PLCB1: variants seen among roughly 807,000 people sequenced by gnomAD.
The protein encoded by PLCB1 is phospholipase C beta 1, also known as 1-phosphatidylinositol 4,5-bisphosphate phosphodiesterase beta-1.
Under a neutral mutation model 161.8 loss-of-function variants are expected in PLCB1, and 46 were observed. The ratio of observed to expected loss-of-function variants is 0.28; its 90% confidence interval spans 0.22 to 0.36. PLCB1 has a LOEUF of 0.36. PLCB1 is among the 10% of genes least tolerant of loss of function. The pLI is 1.00. For synonymous variants in PLCB1, 517 were observed against 503.7 expected (o/e 1.03, Z -0.35); for missense variants, 1,016 against 1,472.5 (o/e 0.69, Z 5.07).
intron 3 of PLCB1, among the ~76,000 whole-genome samples, chr20:8,574,838 C>T (rs939611776): frequency 2.7e-5 from 4 of 146,252 alleles, no homozygotes; most frequent in East Asian, 1.9e-4. Flanking sequence ...AGGCCTTAAG[C>T]AGGCTCTGGC....
At chr20:8,739,719 G>C (rs1439350329) in intron 21 of PLCB1, among the ~76,000 whole-genome samples, 1 of 152,172 alleles carries the variant, frequency 6.6e-6, no homozygotes. Flanking sequence ...GCTCACTCTG[G>C]GGTCCAGGCT....
intron 2 of PLCB1, among the ~76,000 whole-genome samples, chr20:8,294,414 A>T (rs1983530039): frequency 6.6e-6 from 1 of 152,046 alleles, no homozygotes; most frequent in South Asian, 2.1e-4. Flanking sequence ...AAAGTGGGTC[A>T]TTAGGGATAT....
At chr20:8,285,515 A>T (rs1324564623) in intron 2 of PLCB1, among the ~76,000 whole-genome samples, 1 of 152,056 alleles carries the variant, frequency 6.6e-6, no homozygotes, top group East Asian at 1.9e-4. Context: ...GGAAGACTGG[A>T]TATTACAGTC....
chr20:8,701,171 G>A (rs368623767), intron 11 of PLCB1, among the ~76,000 whole-genome samples: 3 of 152,148 alleles, frequency 2.0e-5, no homozygotes, highest in East Asian at 3.9e-4. Flanking sequence ...AGCGTGTAAA[G>A]TGACTTTGTA....
At chr20:8,812,328 G>C (rs981119080) in intron 31 of PLCB1, among the ~76,000 whole-genome samples, 12 of 152,142 alleles carry the variant, frequency 7.9e-5, no homozygotes, top group Admixed American at 7.9e-4. Flanking sequence ...GCAGGCTCAT[G>C]ACACCTCATA....
intron 2 of PLCB1, among the ~76,000 whole-genome samples, chr20:8,359,587 G>A (rs1462869644): frequency 6.6e-6 from 1 of 151,966 alleles, no homozygotes; most frequent in East Asian, 1.9e-4. Context: ...TGTCTCTCAC[G>A]TGATGATGAG....
intron 23 of PLCB1, among the ~76,000 whole-genome samples, chr20:8,742,676 A>G (rs557497338): frequency 3.6e-4 from 55 of 152,292 alleles, no homozygotes; most frequent in African/African-American, 1.3e-3. Context: ...TAAAAGTATT[A>G]AGTATCTCAT....
chr20:8,744,235 G>A (rs1331412881), intron 23 of PLCB1, among the ~76,000 whole-genome samples: 3 of 151,950 alleles, frequency 2.0e-5, no homozygotes, highest in African/African-American at 4.8e-5. Context: ...AAGAAATAGA[G>A]GTTAAACAAA....
At chr20:8,464,636 A>T (rs1568686303) in intron 3 of PLCB1, among the ~76,000 whole-genome samples, 1 of 152,216 alleles carries the variant, frequency 6.6e-6, no homozygotes, top group East Asian at 1.9e-4. Context: ...ACAAGTGCAT[A>T]GTCCCATGTC....
At chr20:8,608,651 A>G (rs1019662567) in intron 3 of PLCB1, among the ~76,000 whole-genome samples, 11 of 152,212 alleles carry the variant, frequency 7.2e-5, no homozygotes, top group African/African-American at 2.7e-4. Context: ...TGACTTTTAT[A>G]AAATGTTTCA....
intron 3 of PLCB1, among the ~76,000 whole-genome samples, chr20:8,410,931 G>T (rs1273430986): frequency 6.6e-6 from 1 of 152,166 alleles, no homozygotes; most frequent in Non-Finnish European, 1.5e-5. Context: ...GGAATGCCTG[G>T]AACCACCAGA....
At chr20:8,427,568 A>C (rs1979840554) in intron 3 of PLCB1, among the ~76,000 whole-genome samples, 1 of 152,208 alleles carries the variant, frequency 6.6e-6, no homozygotes, top group Non-Finnish European at 1.5e-5. Context: ...TTTGCAGCAG[A>C]GAAAGAGTTT....
intron 18 of PLCB1, among the ~76,000 whole-genome samples, chr20:8,732,670 C>A (rs1600283592): frequency 7.1e-6 from 1 of 140,828 alleles, no homozygotes; most frequent in African/African-American, 2.7e-5. Context: ...TCATAATATT[C>A]TAATATATGC....
chr20:8,212,748 G>A (rs1012526918), intron 2 of PLCB1, among the ~76,000 whole-genome samples: 2 of 151,998 alleles, frequency 1.3e-5, no homozygotes. Flanking sequence ...TTTGCCTCTC[G>A]AAGGACATTT....
intron 2 of PLCB1, among the ~76,000 whole-genome samples, chr20:8,171,116 A>G (rs1300219584): frequency 7.2e-5 from 11 of 152,142 alleles, no homozygotes; most frequent in Admixed American, 7.2e-4. Context: ...TTTATGACAC[A>G]TGCTCTGTAA....
At chr20:8,762,403 T>C (rs1982087716) in intron 25 of PLCB1, among the ~76,000 whole-genome samples, 1 of 152,234 alleles carries the variant, frequency 6.6e-6, no homozygotes, top group Non-Finnish European at 1.5e-5. Context: ...TTTATATAAG[T>C]GAGCATTACC....
At chr20:8,630,037 CTTCTT>C (rs1988534234) in intron 4 of PLCB1, among the ~76,000 whole-genome samples, 1 of 117,298 alleles carries the variant, frequency 8.5e-6, no homozygotes, top group South Asian at 2.6e-4. Context: ...TCTTTCCTCT[CTTCTT>C]TCCTTTCTTT....
chr20:8,615,679 T>G (rs2123183558), intron 3 of PLCB1, among the ~76,000 whole-genome samples: 1 of 152,256 alleles, frequency 6.6e-6, no homozygotes, highest in Non-Finnish European at 1.5e-5. Context: ...ATTTCAGAAT[T>G]AAAGAACAAT....
chr20:8,786,207 G>A (rs1983474189), intron 27 of PLCB1, among the ~76,000 whole-genome samples: 1 of 152,200 alleles, frequency 6.6e-6, no homozygotes, highest in Admixed American at 6.5e-5. Context: ...GAAGGTGCTA[G>A]TGAGAGGACA....
Sources: gnomAD v4.1 joint callset for allele counts (sites outside exome capture counted in the v4.1 genomes callset) on GRCh38, gnomAD v4.1.1 for gene constraint, MANE v1.5 for transcripts, NCBI Gene and HGNC (gene_info 2026-07-23, HGNC 2026-07-21) for gene names.